Variants in KCNK10 observed in about 807,000 individuals in gnomAD.
The protein encoded by KCNK10 is potassium two pore domain channel subfamily K member 10, also known as potassium channel subfamily K member 10.
A neutral mutation model predicts 47.7 loss-of-function variants in KCNK10; 25 were observed. The ratio of observed to expected loss-of-function variants is 0.52; its 90% CI spans 0.38 to 0.73. The LOEUF is 0.73. Among genes scored for constraint, KCNK10 ranks in the 30% least tolerant of loss-of-function variants. The probability of loss-of-function intolerance (pLI) is 0.00; values close to 1 mark genes in which losing one functional copy is unlikely to be tolerated. For synonymous variants in KCNK10, 303 were observed against 285.6 expected, an observed-to-expected ratio of 1.06 and a Z score of -0.61; for missense variants, 563 against 714.5, an observed-to-expected ratio of 0.79 and a Z score of 2.42.
rs116149931 is a variant in KCNK10, at chr14:88,299,538, A to G, written c.52+23209T>C. On this transcript the variant is annotated intron_variant, in intron 1 of 6. Coordinates refer to ENST00000319231, the MANE Select transcript of KCNK10 (RefSeq NM_138317.3). ...ATCATGTCACAGTTAGAAAGCTGTAACAGTGCCTTGGGTATTCCCAAAAGT... is the reference window on the plus strand; with the variant it reads ...ATCATGTCACAGTTAGAAAGCTGTAGCAGTGCCTTGGGTATTCCCAAAAGT... 4.0e-3 allele frequency among the ~76,000 whole-genome samples: 617 copies of G among 152,384 alleles called. 6 individuals are homozygous for G. Among genetic ancestry groups the G allele is most frequent in the African/African-American group, 0.014 (601 of 41,588 alleles).
At chr14:88,221,360 TAAAG>T (rs984232015) in intron 4 of KCNK10, among the ~76,000 whole-genome samples, 13 of 151,036 alleles carry the variant, frequency 8.6e-5, no homozygotes, top group African/African-American at 3.2e-4. Context: ...ATCTCAACAA[TAAAG>T]AAACAAATAG....
At chr14:88,252,989 C>T (rs192133231) in intron 2 of KCNK10, among the ~76,000 whole-genome samples, 2 of 152,122 alleles carry the variant, frequency 1.3e-5, no homozygotes, top group South Asian at 2.1e-4. Flanking sequence ...AAGGAGAGTA[C>T]GATTAAGAGA....
At chr14:88,187,390 T>C (rs118060549) in intron 6 of KCNK10, among the ~76,000 whole-genome samples, 26 of 152,286 alleles carry the variant, frequency 1.7e-4, no homozygotes, top group Non-Finnish European at 2.9e-4. Flanking sequence ...CTTTCCTTCA[T>C]ATGTCTTCCT....
intron 2 of KCNK10, among the ~76,000 whole-genome samples, chr14:88,241,516 C>CACAT (rs1886468095): frequency 2.0e-5 from 3 of 151,940 alleles, no homozygotes; most frequent in Admixed American, 6.6e-5. Flanking sequence ...CACACACACA[C>CACAT]ATCGCTCTTT....
rs935717023 is a variant in KCNK10, at chr14:88,181,337, G to A, written c.*4198C>T. On this transcript the variant is annotated 3_prime_UTR_variant, in exon 7 of 7. Transcript: ENST00000319231. ...AGGTTCTTAGCATTCAGCTCAACTA[G>A]GACTTTAAACATGGAATGGTCCTTA... The A allele has an allele frequency of 6.6e-6, 1 of 152,376 alleles. No individual in the cohort carries two copies. The highest frequency in any genetic ancestry group is 2.4e-5 in the African/African-American group (1 of 41,368). The allele number at this position is 152,376 out of a possible 1,614,324, so 9.4% of individuals were successfully genotyped here.
intron 1 of KCNK10, chr14:88,270,687 T>G (rs1437602866): frequency 2.6e-6 from 2 of 780,734 alleles, no homozygotes; most frequent in Non-Finnish European, 4.8e-6. Context: ...CCACCTCATC[T>G]CACATCTGTG....
chr14:88,236,682 C>A (rs1276491357), intron 3 of KCNK10, among the ~76,000 whole-genome samples: 2 of 152,192 alleles, frequency 1.3e-5, no homozygotes, highest in South Asian at 4.1e-4. Flanking sequence ...ATGAGTCACA[C>A]ATTTTCTTTT....
At chr14:88,212,637 C>T (rs959113081) in intron 4 of KCNK10, among the ~76,000 whole-genome samples, 11 of 152,084 alleles carry the variant, frequency 7.2e-5, no homozygotes, top group African/African-American at 1.7e-4. Flanking sequence ...TCCTTTAAAA[C>T]GACACCTCAG....
intron 2 of KCNK10, among the ~76,000 whole-genome samples, chr14:88,248,604 C>T (rs1048370159): frequency 2.0e-5 from 3 of 152,018 alleles, no homozygotes; most frequent in African/African-American, 7.2e-5. Context: ...TGGTGCATGC[C>T]TGTAGTCCTA....
chr14:88,267,133 T>C (rs1887279910), intron 1 of KCNK10, among the ~76,000 whole-genome samples: 1 of 152,184 alleles, frequency 6.6e-6, no homozygotes, highest in Non-Finnish European at 1.5e-5. Flanking sequence ...ATAGCAGCCA[T>C]CTTTTTTTCT....
At chr14:88,226,008 C>T (rs962344337) in intron 4 of KCNK10, among the ~76,000 whole-genome samples, 2 of 152,232 alleles carry the variant, frequency 1.3e-5, no homozygotes, top group Non-Finnish European at 2.9e-5. Flanking sequence ...TCACACACCA[C>T]AGAGCTCCTC....
At chr14:88,220,189 G>C (rs10140633) in intron 4 of KCNK10, among the ~76,000 whole-genome samples, 1,720 of 151,754 alleles carry the variant, frequency 0.011, 40 homozygotes, top group African/African-American at 0.04. Flanking sequence ...AGGCCGAGGC[G>C]GGCGGATCAC....
chr14:88,274,575 G>A (rs1887487611), intron 1 of KCNK10, among the ~76,000 whole-genome samples: 1 of 35,614 alleles, frequency 2.8e-5, no homozygotes, highest in Admixed American at 2.7e-4. Flanking sequence ...AAGATCTTAT[G>A]GCTTAAGTCC....
chr14:88,292,106 C>A (rs1192141829), intron 1 of KCNK10, among the ~76,000 whole-genome samples: 3 of 152,216 alleles, frequency 2.0e-5, no homozygotes, highest in Non-Finnish European at 4.4e-5. Flanking sequence ...GAGACTATTT[C>A]ATGACTAGAA....
intron 4 of KCNK10, among the ~76,000 whole-genome samples, chr14:88,219,390 C>A (rs1421818907): frequency 6.6e-6 from 1 of 152,226 alleles, no homozygotes; most frequent in African/African-American, 2.4e-5. Flanking sequence ...CTCTGAAGAG[C>A]CAGCAAGCAG....
In KCNK10 at chr14:88,278,032, T is replaced by C. The variant is rs530540588; in HGVS notation, c.53-14481A>G. 1.8e-3 allele frequency among the ~76,000 whole-genome samples: 269 copies of C among 152,314 alleles called. 1 individual carries two copies. Among genetic ancestry groups the C allele is most frequent in the Non-Finnish European group, 2.6e-3 (178 of 68,024 alleles). Reference sequence around the variant, plus strand: ...TCAACAAATGTTTGCTGAGGGCCTATTGTGCTTCAGGCATCGGAGGCACCA... The same window carrying C: ...TCAACAAATGTTTGCTGAGGGCCTACTGTGCTTCAGGCATCGGAGGCACCA... On this transcript the variant is annotated intron_variant, in intron 1 of 6. Transcript: ENST00000319231.
In KCNK10 at chr14:88,195,529, G is replaced by A. The variant is rs115342080; in HGVS notation, c.682-3119C>T. On this transcript the variant is annotated intron_variant, in intron 4 of 6. Transcript: ENST00000319231. The stretch of plus-strand genomic sequence containing the variant: ...AGATAATCTCTGTTTAGCTTCAGGA[G>A]GTCGCTGCTGGTTGTCCTTTCCTGG... Among the ~76,000 whole-genome samples the A allele has an allele frequency of 6.3e-3, 955 of 152,270 alleles. 8 individuals are homozygous for A. Among genetic ancestry groups the A allele is most frequent in the African/African-American group, 0.022 (915 of 41,524 alleles).
chr14:88,240,799 C>A lies in KCNK10; in HGVS notation c.424G>T (p.Ala142Ser). 1 of 1,611,230 alleles carries A rather than the reference C, an allele frequency of 6.2e-7. No homozygotes were observed. Among genetic ancestry groups the A allele is most frequent in the Non-Finnish European group, 8.5e-7 (1 of 1,177,800 alleles). The change falls in exon 3 of 7, where the codon GCG becomes TCG. Residue 142 changes from alanine (A) to serine (S), a missense_variant. Coordinates refer to ENST00000319231, the MANE Select transcript of KCNK10 (RefSeq NM_138317.3). ...GAGTTTCCTATTGGACTGACTCCCG[C>A]ATTGTCAGCATCAAGAGCATGCTGC... Reference protein sequence around the residue: ...LIQHALDADNAGVSPIGNSSN... With the variant: ...LIQHALDADNSGVSPIGNSSN...
At chr14:88,298,003 T>G (rs531976823) in intron 1 of KCNK10, among the ~76,000 whole-genome samples, 2 of 152,088 alleles carry the variant, frequency 1.3e-5, no homozygotes, top group African/African-American at 2.4e-5. Flanking sequence ...CCCAGGAGAG[T>G]CATTTCTGTG....
Sources: gnomAD v4.1 joint callset for allele counts (sites outside exome capture counted in the v4.1 genomes callset) on GRCh38, gnomAD v4.1.1 for gene constraint, MANE v1.5 for transcripts, NCBI Gene and HGNC (gene_info 2026-07-23, HGNC 2026-07-21) for gene names.